TAB2: variants seen among roughly 807,000 people sequenced by gnomAD.
TAB2 encodes TGF-beta activated kinase 1 (MAP3K7) binding protein 2, also known as TGF-beta-activated kinase 1 and MAP3K7-binding protein 2.
A neutral mutation model predicts 65.0 loss-of-function variants in TAB2; 3 were observed. The ratio of observed to expected loss-of-function variants is 0.05; its 90% confidence interval spans 0.02 to 0.12. The LOEUF is 0.12. TAB2 is among the 10% of genes least tolerant of loss of function. The probability of loss-of-function intolerance (pLI) is 1.00; values close to 1 mark genes in which losing one functional copy is unlikely to be tolerated. For missense variants in TAB2, 623 were observed against 840.3 expected (o/e 0.74, Z 3.20); for synonymous variants, 298 against 285.1 (o/e 1.05, Z -0.46).
intron 1 of TAB2, chr6:149,347,322 A>G (rs1442407408): frequency 1.3e-5 from 2 of 152,250 alleles, no homozygotes; most frequent in African/African-American, 4.8e-5. Flanking sequence ...TTAAATGACA[A>G]AATGGGAAAT....
At chr6:149,233,135 C>G (rs1410321081) in intron 1 of TAB2, among the ~76,000 whole-genome samples, 2 of 152,156 alleles carry the variant, frequency 1.3e-5, no homozygotes, top group Non-Finnish European at 2.9e-5. Flanking sequence ...TGGGTGGGGA[C>G]AAATGATGAC....
At chr6:149,388,593 A>G (rs1307398589) in intron 3 of TAB2, among the ~76,000 whole-genome samples, 1 of 152,188 alleles carries the variant, frequency 6.6e-6, no homozygotes, top group Non-Finnish European at 1.5e-5. Flanking sequence ...TGAAAAAAGT[A>G]TTATCTAGTC....
chr6:149,282,232 G>A (rs1415087459), intron 1 of TAB2, among the ~76,000 whole-genome samples: 1 of 152,014 alleles, frequency 6.6e-6, no homozygotes, highest in Admixed American at 6.6e-5. Context: ...AATCCTAAAT[G>A]TCTATGCGTC....
At chr6:149,356,732 G>A (rs540476679) in intron 1 of TAB2, among the ~76,000 whole-genome samples, 52 of 152,296 alleles carry the variant, frequency 3.4e-4, no homozygotes, top group African/African-American at 1.2e-3. Flanking sequence ...ACCATAGCAG[G>A]TGAGGATGGA....
At chr6:149,393,585 C>G (rs1424263796) in intron 3 of TAB2, among the ~76,000 whole-genome samples, 2 of 152,156 alleles carry the variant, frequency 1.3e-5, no homozygotes, top group Non-Finnish European at 2.9e-5. Context: ...TATTGGCCTT[C>G]TGTGTATCTC....
At chr6:149,220,364 A>G (rs1045582260) in intron 1 of TAB2, among the ~76,000 whole-genome samples, 3 of 152,208 alleles carry the variant, frequency 2.0e-5, no homozygotes, top group African/African-American at 7.2e-5. Context: ...ATTATCAATG[A>G]ACTTTTCCTG....
intron 1 of TAB2, among the ~76,000 whole-genome samples, chr6:149,260,589 T>C (rs1251762757): frequency 1.3e-5 from 2 of 152,176 alleles, no homozygotes; most frequent in African/African-American, 4.8e-5. Context: ...CCTATGAACA[T>C]CGTGTGGACT....
At chr6:149,246,075 C>T (rs9377199) in intron 1 of TAB2, 42,797 of 152,138 alleles carry the variant, frequency 0.28, 6,644 homozygotes, top group Admixed American at 0.39. Flanking sequence ...CCCACCACCA[C>T]GCCCAGCTAA....
chr6:149,312,611 C>T (rs9377208), intron 1 of TAB2, among the ~76,000 whole-genome samples: 65,344 of 152,128 alleles, frequency 0.43, 14,479 homozygotes, highest in Middle Eastern at 0.55. Context: ...GATCCACCTG[C>T]CTCAGCCTCC....
chr6:149,400,449 T>C (rs1782340433), intron 6 of TAB2: 1 of 1,614,102 alleles, frequency 6.2e-7, no homozygotes, highest in South Asian at 1.1e-5. Flanking sequence ...TCATATTAAT[T>C]TGAAGGTGGC....
At chr6:149,364,807 A>C (rs1263548854) in intron 1 of TAB2, among the ~76,000 whole-genome samples, 1 of 151,056 alleles carries the variant, frequency 6.6e-6, no homozygotes, top group Non-Finnish European at 1.5e-5. Context: ...CTCGTGTTAA[A>C]CAGTTAGCTT....
intron 1 of TAB2, among the ~76,000 whole-genome samples, chr6:149,280,028 A>C (rs1446562): frequency 0.53 from 81,285 of 151,962 alleles, 24,586 homozygotes; most frequent in African/African-American, 0.83. Flanking sequence ...CCTCCCTCTT[A>C]TTTATTATTG....
intron 3 of TAB2, among the ~76,000 whole-genome samples, chr6:149,387,656 T>A (rs1781847902): frequency 6.6e-6 from 1 of 152,202 alleles, no homozygotes. Context: ...GGAATTCTGA[T>A]AGGAATTGCA....
intron 1 of TAB2, among the ~76,000 whole-genome samples, chr6:149,354,809 C>T (rs1374832614): frequency 6.6e-6 from 1 of 152,090 alleles, no homozygotes; most frequent in Non-Finnish European, 1.5e-5. Context: ...CTGTATAGTA[C>T]ATTATACTTT....
At chr6:149,375,384 C>T (rs916520295) in intron 2 of TAB2, among the ~76,000 whole-genome samples, 1 of 152,066 alleles carries the variant, frequency 6.6e-6, no homozygotes, top group Non-Finnish European at 1.5e-5. Context: ...AAAGTAATGT[C>T]TGTAGAGTGT....
chr6:149,236,102 G>A (rs1777489374), intron 1 of TAB2, among the ~76,000 whole-genome samples: 1 of 152,180 alleles, frequency 6.6e-6, no homozygotes. Flanking sequence ...GTGAGAGGGA[G>A]GTGAGGGTTG....
intron 1 of TAB2, among the ~76,000 whole-genome samples, chr6:149,234,399 G>C (rs1371426276): frequency 6.6e-6 from 1 of 152,112 alleles, no homozygotes; most frequent in Non-Finnish European, 1.5e-5. Context: ...TTGGCTGAAG[G>C]GCACTGGGGC....
At chr6:149,280,642 TA>T (rs2114684926) in intron 1 of TAB2, among the ~76,000 whole-genome samples, 1 of 152,184 alleles carries the variant, frequency 6.6e-6, no homozygotes, top group East Asian at 1.9e-4. Context: ...GAAATGAAAG[TA>T]AAATCAAGAC....
chr6:149,222,919 T>A (rs945203061), intron 1 of TAB2, among the ~76,000 whole-genome samples: 1 of 152,230 alleles, frequency 6.6e-6, no homozygotes, highest in Non-Finnish European at 1.5e-5. Flanking sequence ...TGTTAGGAAT[T>A]ACTAATTAAT....
Sources: gnomAD v4.1 joint callset for allele counts (sites outside exome capture counted in the v4.1 genomes callset) on GRCh38, gnomAD v4.1.1 for gene constraint, MANE v1.5 for transcripts, NCBI Gene and HGNC (gene_info 2026-07-23, HGNC 2026-07-21) for gene names.